Variants in SRP68 observed in about 807,000 individuals in gnomAD.
SRP68 encodes the protein signal recognition particle subunit SRP68.
Under a neutral mutation model 82.2 loss-of-function variants are expected in SRP68, and 15 were observed. The observed-to-expected ratio is 0.18, with a 90% CI of 0.12 to 0.28. The LOEUF is 0.28. Ranked by LOEUF, SRP68 falls within the 10% of genes least tolerant of loss-of-function variation. The probability of loss-of-function intolerance (pLI) is 1.00; values close to 1 mark genes in which losing one functional copy is unlikely to be tolerated. For synonymous variants in SRP68, 261 were observed against 292.6 expected (o/e 0.89, Z 1.10); for missense variants, 595 against 780.5 (o/e 0.76, Z 2.83).
At chr17:76,059,272 C>T (rs1028529489) in intron 7 of SRP68, among the ~76,000 whole-genome samples, 3 of 152,044 alleles carry the variant, frequency 2.0e-5, no homozygotes, top group Admixed American at 6.6e-5. Context: ...AAGCCGGGCG[C>T]GGTGGCTCAC....
At chr17:76,042,224 C>T (rs536429192) in intron 13 of SRP68, among the ~76,000 whole-genome samples, 2 of 152,148 alleles carry the variant, frequency 1.3e-5, no homozygotes, top group South Asian at 4.2e-4. Flanking sequence ...GTCAAATATA[C>T]ATGGATTCCT....
intron 12 of SRP68, chr17:76,044,628 C>T (rs1196954806): frequency 6.6e-6 from 1 of 152,440 alleles, no homozygotes; most frequent in Non-Finnish European, 1.5e-5. Flanking sequence ...AGCTTTATCC[C>T]AAGTCAGTTC....
chr17:76,060,212 T>C (rs1184189235), intron 7 of SRP68, 96 bp downstream of exon 7: 1 of 516,962 alleles, frequency 1.9e-6, no homozygotes, highest in Non-Finnish European at 3.3e-6. Flanking sequence ...GATATAAATA[T>C]CCATATATTA....
At chr17:76,044,616 T>C (rs1208136374) in intron 12 of SRP68, 1 of 152,444 alleles carries the variant, frequency 6.6e-6, no homozygotes, top group African/African-American at 2.4e-5. Flanking sequence ...GAAACTGAGT[T>C]TAGCTTTATC....
At position 76,072,428 on chromosome 17, in the gene SRP68, TGCCACCGCCGCCGCCACTGCCGCC is replaced by T. The variant is rs770666092; in HGVS notation, c.40_63del (p.Gly14_Gly21del). On this transcript the variant is annotated inframe_deletion, in exon 1 of 16. Coordinates refer to ENST00000307877, the MANE Select transcript of SRP68 (RefSeq NM_014230.4). This position sits in a 1 kb window ranked among gnomAD's most constrained non-coding sequence, Gnocchi z 4.5. The stretch of plus-strand genomic sequence containing the variant: ...CCACCGCCGCTACCGCCGCCGCCAC[TGCCACCGCCGCCGCCACTGCCGCC>T]GCCGCCGCCGCCGCCTGGGACCTGC... The T allele has an allele frequency of 9.5e-6, 15 of 1,585,624 alleles. No homozygotes were observed. The highest frequency in any genetic ancestry group is 1.4e-5 in the African/African-American group (1 of 73,810).
intron 8 of SRP68, chr17:76,053,442 G>C (rs1043346423): frequency 5.1e-6 from 5 of 985,140 alleles, no homozygotes; most frequent in Non-Finnish European, 4.8e-6. Context: ...AGCGAACTTC[G>C]TCTTACCAGC....
chr17:76,057,573 T>C lies in SRP68; in HGVS notation c.838-30A>G, dbSNP rs2066721472. 4.3e-6 allele frequency: 7 copies of C among 1,613,206 alleles called. No individual in the cohort carries two copies. In the East Asian group the frequency reaches 1.6e-4, roughly 36 times the overall value. On this transcript the variant is annotated intron_variant, in intron 7 of 15. Transcript: ENST00000307877. ...AAAATAGTTTAAAAAAGTTAAAGCT[T>C]TAACTGGGGATATGAGTGATGGAGG...
At position 76,072,122 on chromosome 17, in the gene SRP68, A is replaced by G. The variant is rs975486149; in HGVS notation, c.184+186T>C. On this transcript the variant is annotated intron_variant, in intron 1 of 15. Transcript: ENST00000307877. The surrounding 1 kb of genome is among the most constrained non-coding windows in gnomAD (Gnocchi z 4.5). Reference sequence around the variant, plus strand: ...ACCTAGCCAGGACGGCGAGGGGGACACGAGGAAAGACTAGTCGAGAGACAG... The same window carrying G: ...ACCTAGCCAGGACGGCGAGGGGGACGCGAGGAAAGACTAGTCGAGAGACAG... 3.8e-5 allele frequency: 44 copies of G among 1,158,902 alleles called. No homozygotes were observed. Among genetic ancestry groups the G allele is most frequent in the Non-Finnish European group, 5.2e-5 (43 of 832,472 alleles). 71.8% of individuals were successfully genotyped at this position (1,158,902 alleles called of 1,614,324 possible).
intron 8 of SRP68, among the ~76,000 whole-genome samples, chr17:76,053,946 G>A (rs2665974): frequency 0.38 from 58,395 of 152,092 alleles, 11,520 homozygotes; most frequent in Admixed American, 0.52. Flanking sequence ...GCCAGCCACT[G>A]GACCAACCAG....
At position 76,061,085 on chromosome 17, in the gene SRP68, A is replaced by G. The variant is rs757356786; in HGVS notation, c.754+25T>C. On this transcript the variant is annotated intron_variant, in intron 6 of 15. Transcript: ENST00000307877. Reference sequence around the variant, plus strand: ...CCATCTATCAATGTTCAAGTTGAGTATAATGCCTTGATCCCTGCTCTCACC... The same window carrying G: ...CCATCTATCAATGTTCAAGTTGAGTGTAATGCCTTGATCCCTGCTCTCACC... 191 of 1,408,970 alleles carry G rather than the reference A, an allele frequency of 1.4e-4. 1 individual carries two copies. Among genetic ancestry groups the G allele is most frequent in the Non-Finnish European group, 2.9e-5 (29 of 994,378 alleles). The allele number at this position is 1,408,970 out of a possible 1,614,324, so 87.3% of individuals were successfully genotyped here. A position where few individuals can be genotyped will look rare whatever the true frequency, so the allele number is the denominator to read the frequency against.
intron 9 of SRP68, 61 bp downstream of exon 9, chr17:76,050,367 G>A: frequency 9.9e-6 from 12 of 1,206,604 alleles, no homozygotes; most frequent in Non-Finnish European, 1.5e-5. Context: ...ACCTGAGAAG[G>A]GGACACAGGC....
chr17:76,056,724 C>T (rs956940302), intron 8 of SRP68, among the ~76,000 whole-genome samples: 9 of 152,148 alleles, frequency 5.9e-5, no homozygotes, highest in Non-Finnish European at 8.8e-5. Flanking sequence ...GTGAGGTCTT[C>T]GGAAATGCCA....
rs749292484 is a variant in SRP68 at position 76,072,423 on chromosome 17, G to A, written c.69C>T (p.Gly23=). The change falls in exon 1 of 16, where the codon GGC becomes GGT. Residue 23 remains glycine, a synonymous_variant. Transcript: ENST00000307877. This position sits in a 1 kb window ranked among gnomAD's most constrained non-coding sequence, Gnocchi z 4.5. ...CACGTCCACCGCCGCTACCGCCGCC[G>A]CCACTGCCACCGCCGCCGCCACTGC... ...GGGSGGGGGS[G]GGGSGGGRGA... 3 of 1,584,578 alleles carry A rather than the reference G, an allele frequency of 1.9e-6. No individual in the cohort carries two copies. The highest frequency in any genetic ancestry group is 1.7e-6 in the Non-Finnish European group (2 of 1,167,502).
At position 76,072,243 on chromosome 17, in the gene SRP68, C is replaced by A. The variant is rs1278171060; in HGVS notation, c.184+65G>T. On this transcript the variant is annotated intron_variant, in intron 1 of 15. Coordinates refer to ENST00000307877, the MANE Select transcript of SRP68 (RefSeq NM_014230.4). The surrounding 1 kb of genome is among the most constrained non-coding windows in gnomAD (Gnocchi z 4.5). ...GGACTTGTCGGGACCCGCCGCCTCT[C>A]CCGCCCCCAGCCCTCCAGTTCGACA... 2 of 1,599,272 alleles carry A rather than the reference C, an allele frequency of 1.3e-6. No homozygotes were observed. Among genetic ancestry groups the A allele is most frequent in the African/African-American group, 1.4e-5 (1 of 73,040 alleles).
At chr17:76,052,238 G>C (rs2066678303) in intron 8 of SRP68, among the ~76,000 whole-genome samples, 2 of 152,180 alleles carry the variant, frequency 1.3e-5, no homozygotes, top group African/African-American at 4.8e-5. Flanking sequence ...TACTGCACTG[G>C]ACAGTGCAGC....
At position 76,072,152 on chromosome 17, in the gene SRP68, C is replaced by CA; in HGVS notation, c.184+155_184+156insT. The CA allele has an allele frequency of 2.1e-6, 3 of 1,416,446 alleles. No individual in the cohort carries two copies. The highest frequency in any genetic ancestry group is 1.9e-6 in the Non-Finnish European group (2 of 1,051,288). 87.7% of individuals were successfully genotyped at this position (1,416,446 alleles called of 1,614,324 possible). The stretch of plus-strand genomic sequence containing the variant: ...GAAAGACTAGTCGAGAGACAGACCC[C>CA]CCCCGGAATTCTGAGCACCAAAAGG... On this transcript the variant is annotated intron_variant, in intron 1 of 15. Transcript: ENST00000307877. This position sits in a 1 kb window ranked among gnomAD's most constrained non-coding sequence, Gnocchi z 4.5.
rs1315521372 is a variant in SRP68 at position 76,068,455 on chromosome 17, G to GGAAA, written c.252-1126_252-1125insTTTC. Among the ~76,000 whole-genome samples the GGAAA allele has an allele frequency of 9.5e-5, 11 of 115,862 alleles. No individual in the cohort carries two copies. The South Asian group carries it at 3.0e-3, about 32-fold the overall frequency. The allele number at this position is 115,862 out of a possible 152,430, so 76.0% of individuals were successfully genotyped here. A position where few individuals can be genotyped will look rare whatever the true frequency, so the allele number is the denominator to read the frequency against. On this transcript the variant is annotated intron_variant, in intron 2 of 15. Coordinates refer to ENST00000307877, the MANE Select transcript of SRP68 (RefSeq NM_014230.4). Reference sequence around the variant, plus strand: ...TAGGCAACAGAGCAAGACTGTGTCTGAAAAAAAAAAAAAAAAAGAAGAAGA... The same window carrying GGAAA: ...TAGGCAACAGAGCAAGACTGTGTCTGGAAAAAAAAAAAAAAAAAAAAGAAGAAGA...
Position 76,070,222 on chromosome 17 carries a change from C to CAA in SRP68, c.251+154_251+155dup, listed in dbSNP as rs386386662. Reference sequence around the variant, plus strand: ...CTGGCGACAGAGCGAGACTCCATCTCAAAAAAAAAAAAAAAAACAAAGCAA... The same window carrying CAA: ...CTGGCGACAGAGCGAGACTCCATCTCAAAAAAAAAAAAAAAAAAACAAAGCAA... On this transcript the variant is annotated intron_variant, in intron 2 of 15. Transcript: ENST00000307877. Among the ~76,000 whole-genome samples, 66 of 95,458 alleles carry CAA rather than the reference C, an allele frequency of 6.9e-4. 2 individuals are homozygous for CAA. Among genetic ancestry groups the CAA allele is most frequent in the Middle Eastern group, 5.7e-3 (1 of 174 alleles). 62.6% of individuals were successfully genotyped at this position (95,458 alleles called of 152,430 possible).
chr17:76,053,016 C>T (rs1303849845), intron 8 of SRP68, among the ~76,000 whole-genome samples: 2 of 151,716 alleles, frequency 1.3e-5, no homozygotes, highest in Middle Eastern at 3.2e-3. Flanking sequence ...AATCCCAGCA[C>T]TTTGGGAGGC....
Sources: gnomAD v4.1 joint callset for allele counts (sites outside exome capture counted in the v4.1 genomes callset) on GRCh38, gnomAD v4.1.1 for gene constraint, Gnocchi (gnomAD v3.1) non-coding constraint, MANE v1.5 for transcripts, NCBI Gene and HGNC (gene_info 2026-07-23, HGNC 2026-07-21) for gene names.